The following PCDHGB2 variants were observed in gnomAD, a reference collection of about 807,000 sequenced individuals.
PCDHGB2 encodes protocadherin gamma subfamily B, 2.
PCDHGB2 carries 55 observed loss-of-function variants against 59.3 expected under a neutral mutation model. That is an observed-to-expected ratio of 0.93 (90% CI 0.75 to 1.16). The LOEUF is 1.16. PCDHGB2 is among the 50% of genes most tolerant of loss of function. The pLI is 0.00. For synonymous variants in PCDHGB2, 516 were observed against 512.0 expected, an observed-to-expected ratio of 1.01 and a Z score of -0.11; for missense variants, 1,228 against 1,198.5, an observed-to-expected ratio of 1.02 and a Z score of -0.36.
chr5:141,433,921 T>G (rs1203867326), intron 1 of PCDHGB2, among the ~76,000 whole-genome samples: 2 of 152,012 alleles, frequency 1.3e-5, no homozygotes, highest in African/African-American at 4.8e-5. Flanking sequence ...CACCTCCAAA[T>G]GAAGATTTTA....
chr5:141,505,583 T>A, intron 3 of PCDHGB2, 102 bp downstream of exon 3: 1 of 1,583,650 alleles, frequency 6.3e-7, no homozygotes, highest in Non-Finnish European at 8.6e-7. Context: ...ACCTGTGTAG[T>A]TTCTCCAGAT....
chr5:141,432,622 G>A lies in PCDHGB2; in HGVS notation c.2422-62185G>A. 6.2e-7 allele frequency: 1 copy of A among 1,612,776 alleles called. No individual in the cohort carries two copies. The stretch of plus-strand genomic sequence containing the variant: ...AGCCGGGACTCTTCTCGGTGGGTCT[G>A]CACACGGGCGAGGTGCGCACGGCGC... On this transcript the variant is annotated intron_variant, in intron 1 of 3. Transcript: ENST00000522605. This position sits in a 1 kb window ranked among gnomAD's most constrained non-coding sequence, Gnocchi z 6.0.
At position 141,431,828 on chromosome 5, in the gene PCDHGB2, C is replaced by G. The variant is rs750949066; in HGVS notation, c.2422-62979C>G. ...CCTCACCTCTCTCGCCAGCTCGGTTCCCGAAAACTCTCCCAGAGGGACATT... is the reference window on the plus strand; with the variant it reads ...CCTCACCTCTCTCGCCAGCTCGGTTGCCGAAAACTCTCCCAGAGGGACATT... On this transcript the variant is annotated intron_variant, in intron 1 of 3. Coordinates refer to ENST00000522605, the MANE Select transcript of PCDHGB2 (RefSeq NM_018923.3). This position sits in a 1 kb window ranked among gnomAD's most constrained non-coding sequence, Gnocchi z 4.8. The G allele has an allele frequency of 5.6e-6, 9 of 1,610,208 alleles. No homozygotes were observed. Among genetic ancestry groups the G allele is most frequent in the Non-Finnish European group, 1.7e-6 (2 of 1,176,374 alleles).
intron 1 of PCDHGB2, chr5:141,371,242 A>G (rs759523256): frequency 3.7e-6 from 6 of 1,613,916 alleles, no homozygotes; most frequent in East Asian, 2.2e-5. Context: ...GCCTTCATCA[A>G]TATTGGCAAG....
In PCDHGB2 at chr5:141,481,399, T is replaced by G. The variant is rs35677249; in HGVS notation, c.2422-13408T>G. 1.9e-3 allele frequency among the ~76,000 whole-genome samples: 284 copies of G among 152,356 alleles called. 1 individual carries two copies. Among genetic ancestry groups the G allele is most frequent in the Middle Eastern group, 0.01 (3 of 294 alleles). ...TTCTTTTTGGAGGGATGTGACAAAA[T>G]TCTTGTATAATTAGATTGTGATGAT... is the stretch of plus-strand genomic sequence containing the variant. On this transcript the variant is annotated intron_variant, in intron 1 of 3. Transcript: ENST00000522605.
chr5:141,485,192 A>T lies in PCDHGB2; in HGVS notation c.2422-9615A>T. 1.2e-6 allele frequency: 2 copies of T among 1,613,942 alleles called. No individual in the cohort carries two copies. Among genetic ancestry groups the T allele is most frequent in the African/African-American group, 2.7e-5 (2 of 75,048 alleles). On this transcript the variant is annotated intron_variant, in intron 1 of 3. Transcript: ENST00000522605. The surrounding 1 kb of genome is among the most constrained non-coding windows in gnomAD (Gnocchi z 5.7). ...GGCAGCAATGCTCCGCAAGGTGAGA[A>T]GCTGGACAGAAATCTGGCGGTGGGC... is the stretch of plus-strand genomic sequence containing the variant.
chr5:141,389,118 C>A (rs2091610213), intron 1 of PCDHGB2: 1 of 1,613,888 alleles, frequency 6.2e-7, no homozygotes, highest in Admixed American at 1.7e-5. Context: ...AGACCGCGAG[C>A]AGAATCCAGA....
intron 1 of PCDHGB2, chr5:141,422,772 C>A: frequency 6.2e-7 from 1 of 1,613,922 alleles, no homozygotes. Flanking sequence ...CTGGTGTTCT[C>A]TATGCCCTAC....
At chr5:141,389,911 G>A in intron 1 of PCDHGB2, 1 of 1,614,066 alleles carries the variant, frequency 6.2e-7, no homozygotes, top group South Asian at 1.1e-5. Flanking sequence ...ATCACTGACC[G>A]CCCCGACCCC....
At chr5:141,478,765 C>T in intron 1 of PCDHGB2, 1 of 1,508,614 alleles carries the variant, frequency 6.6e-7, no homozygotes, top group Non-Finnish European at 8.9e-7. Context: ...AGATACTTGA[C>T]TCATCTGTGG....
intron 1 of PCDHGB2, chr5:141,367,915 AAG>A (rs963477833): frequency 6.6e-6 from 1 of 152,232 alleles, no homozygotes; most frequent in Non-Finnish European, 1.5e-5. Flanking sequence ...TTGAAAAAAA[AAG>A]AACTCAACTT....
chr5:141,421,380 G>A, intron 1 of PCDHGB2: 1 of 1,614,064 alleles, frequency 6.2e-7, no homozygotes, highest in Non-Finnish European at 8.5e-7. Context: ...ATATCTCCAA[G>A]GACCTGGGGC....
intron 1 of PCDHGB2, among the ~76,000 whole-genome samples, chr5:141,468,868 A>T (rs1006995156): frequency 9.2e-5 from 14 of 151,794 alleles, no homozygotes; most frequent in African/African-American, 2.4e-4. Flanking sequence ...TCCATCTCAA[A>T]AATAATAATA....
intron 1 of PCDHGB2, among the ~76,000 whole-genome samples, chr5:141,439,190 C>CAAA (rs200519543): frequency 1.8e-5 from 2 of 111,760 alleles, no homozygotes; most frequent in African/African-American, 6.3e-5. Context: ...GAGACTCTGA[C>CAAA]AAAAAAAAAA....
chr5:141,450,823 A>AT (rs1453980247), intron 1 of PCDHGB2, among the ~76,000 whole-genome samples: 4 of 133,078 alleles, frequency 3.0e-5, no homozygotes, highest in African/African-American at 1.2e-4. Context: ...TAATATTATT[A>AT]TTATTATTTT....
At chr5:141,488,546 G>A (rs2099676755) in intron 1 of PCDHGB2, among the ~76,000 whole-genome samples, 1 of 152,188 alleles carries the variant, frequency 6.6e-6, no homozygotes, top group African/African-American at 2.4e-5. Context: ...TCCCATGTCA[G>A]CTGACATTGA....
intron 1 of PCDHGB2, chr5:141,414,681 G>A: frequency 6.2e-7 from 1 of 1,613,954 alleles, no homozygotes; most frequent in African/African-American, 1.3e-5. Context: ...CCATCCAGGG[G>A]GTACCTCTGT....
In PCDHGB2 at chr5:141,486,269, G is replaced by T; in HGVS notation, c.2422-8538G>T. 6.2e-7 allele frequency: 1 copy of T among 1,613,996 alleles called. No homozygotes were observed. The highest frequency in any genetic ancestry group is 8.5e-7 in the Non-Finnish European group (1 of 1,179,956). On this transcript the variant is annotated intron_variant, in intron 1 of 3. Transcript: ENST00000522605. The surrounding 1 kb of genome is among the most constrained non-coding windows in gnomAD (Gnocchi z 5.0). ...AACCCTCCCCGAGAGTGCAGAACCT[G>T]GCACTGTGGTGGCACTTATCAGTGT...
At chr5:141,383,544 T>A (rs1273578608) in intron 1 of PCDHGB2, 21 of 1,612,498 alleles carry the variant, frequency 1.3e-5, no homozygotes, top group Non-Finnish European at 1.8e-5. Context: ...TCACAGCCTC[T>A]GATGGCGGCG....
Sources: allele counts gnomAD v4.1 joint callset (sites outside exome capture counted in the v4.1 genomes callset), GRCh38; gene constraint gnomAD v4.1.1; non-coding constraint Gnocchi (gnomAD v3.1); transcripts MANE v1.5; gene names NCBI Gene and HGNC (gene_info 2026-07-23, HGNC 2026-07-21).